CTNNA3: variants seen among roughly 807,000 people sequenced by gnomAD.
CTNNA3 encodes catenin alpha-3.
A neutral mutation model predicts 95.7 loss-of-function variants in CTNNA3; 76 were observed. The ratio of observed to expected loss-of-function variants is 0.79; its 90% CI spans 0.66 to 0.96. The LOEUF (loss-of-function observed/expected upper bound fraction) is 0.96. Among genes scored for constraint, CTNNA3 ranks in the 40% least tolerant of loss-of-function variants. CTNNA3 has a pLI of 0.00. For missense variants in CTNNA3, 1,191 were observed against 1,089.8 expected (o/e 1.09, Z -1.31); for synonymous variants, 431 against 374.4 (o/e 1.15, Z -1.74).
At chr10:67,011,685 G>A (rs1008022353) in intron 7 of CTNNA3, among the ~76,000 whole-genome samples, 2 of 152,038 alleles carry the variant, frequency 1.3e-5, no homozygotes, top group Non-Finnish European at 2.9e-5. Flanking sequence ...CAAATATATA[G>A]AGTGCTTACA....
intron 11 of CTNNA3, among the ~76,000 whole-genome samples, chr10:66,520,273 A>G (rs1388834891): frequency 3.1e-5 from 3 of 97,970 alleles, no homozygotes; most frequent in Admixed American, 1.4e-4. Context: ...TTTTTTTGAG[A>G]TAGAGTCTAG....
chr10:66,617,835 C>A (rs1056743853), intron 10 of CTNNA3, among the ~76,000 whole-genome samples: 1 of 151,714 alleles, frequency 6.6e-6, no homozygotes, highest in Non-Finnish European at 1.5e-5. Context: ...CCAAAATCTC[C>A]TTAAGCTGAT....
chr10:66,072,836 C>A (rs1242382392), intron 14 of CTNNA3, among the ~76,000 whole-genome samples: 4 of 152,138 alleles, frequency 2.6e-5, no homozygotes, highest in Non-Finnish European at 5.9e-5. Context: ...CACTCATCTA[C>A]TTTCTTTTCT....
intron 5 of CTNNA3, among the ~76,000 whole-genome samples, chr10:67,321,087 T>C (rs1328494794): frequency 1.3e-5 from 2 of 152,204 alleles, no homozygotes; most frequent in Admixed American, 6.5e-5. Context: ...AAAAAGTTCT[T>C]TGTGGCCCAA....
intron 13 of CTNNA3, among the ~76,000 whole-genome samples, chr10:66,229,021 G>C (rs972903644): frequency 6.6e-6 from 1 of 152,082 alleles, no homozygotes; most frequent in African/African-American, 2.4e-5. Context: ...GTCTGCATGT[G>C]TATTTCCAGG....
At chr10:66,018,380 C>T (rs1013620972) in intron 15 of CTNNA3, among the ~76,000 whole-genome samples, 51 of 151,918 alleles carry the variant, frequency 3.4e-4, no homozygotes, top group African/African-American at 1.1e-3. Context: ...ATACAAACTT[C>T]GTGACATACA....
intron 7 of CTNNA3, among the ~76,000 whole-genome samples, chr10:67,026,718 T>C (rs758070314): frequency 6.6e-6 from 1 of 152,158 alleles, no homozygotes; most frequent in Non-Finnish European, 1.5e-5. Context: ...AAAAGTATAT[T>C]AACGTTCATT....
At chr10:65,981,246 A>G (rs1314308633) in intron 16 of CTNNA3, among the ~76,000 whole-genome samples, 3 of 151,816 alleles carry the variant, frequency 2.0e-5, no homozygotes, top group African/African-American at 7.2e-5. Flanking sequence ...TTTTTTACAA[A>G]ATCTGCAAAA....
At chr10:67,457,132 C>T (rs796567186) in intron 5 of CTNNA3, among the ~76,000 whole-genome samples, 4 of 152,188 alleles carry the variant, frequency 2.6e-5, no homozygotes, top group African/African-American at 7.2e-5. Context: ...AGGATTTTTC[C>T]ACTAACTGTC....
At chr10:67,701,958 A>G (rs1841043581) in intron 1 of CTNNA3, among the ~76,000 whole-genome samples, 1 of 152,216 alleles carries the variant, frequency 6.6e-6, no homozygotes, top group Non-Finnish European at 1.5e-5. Flanking sequence ...AAAACAAAAA[A>G]AGGCAGGGGT....
intron 9 of CTNNA3, among the ~76,000 whole-genome samples, chr10:66,638,805 C>T (rs1339063479): frequency 2.0e-5 from 3 of 151,960 alleles, no homozygotes; most frequent in Admixed American, 2.0e-4. Flanking sequence ...CCCGCCCATT[C>T]GTTATTCTTG....
chr10:66,011,843 G>C (rs2079010807), intron 15 of CTNNA3, among the ~76,000 whole-genome samples: 1 of 152,096 alleles, frequency 6.6e-6, no homozygotes, highest in Non-Finnish European at 1.5e-5. Context: ...TTCCATGAAG[G>C]GTTTTAATTC....
chr10:66,623,556 C>G (rs1164874317), intron 9 of CTNNA3, among the ~76,000 whole-genome samples: 2 of 151,956 alleles, frequency 1.3e-5, no homozygotes, highest in Non-Finnish European at 2.9e-5. Context: ...TTTTATACAA[C>G]CCTCTAATGA....
Position 66,262,863 on chromosome 10 carries a change from G to T in CTNNA3, c.1884+17607C>A, listed in dbSNP as rs147516523. 5.2e-3 allele frequency among the ~76,000 whole-genome samples: 793 copies of T among 151,296 alleles called. 5 individuals are homozygous for T. The highest frequency in any genetic ancestry group is 0.018 in the African/African-American group (744 of 41,262). Reference sequence around the variant, plus strand: ...GTATATAAGGTTTTTTTTCAATGTGGCTTTGTAATCTACCACATACTGGAC... The same window carrying T: ...GTATATAAGGTTTTTTTTCAATGTGTCTTTGTAATCTACCACATACTGGAC... On this transcript the variant is annotated intron_variant, in intron 13 of 17. Coordinates refer to ENST00000433211, the MANE Select transcript of CTNNA3 (RefSeq NM_013266.4).
chr10:66,560,173 A>C (rs1226589690), intron 10 of CTNNA3, among the ~76,000 whole-genome samples: 2 of 152,108 alleles, frequency 1.3e-5, no homozygotes, highest in Non-Finnish European at 2.9e-5. Context: ...TGGTCATAAT[A>C]AAAACTCCTT....
At chr10:66,440,768 C>T (rs759934546) in intron 11 of CTNNA3, among the ~76,000 whole-genome samples, 4 of 131,176 alleles carry the variant, frequency 3.0e-5, no homozygotes, top group Non-Finnish European at 6.4e-5. Context: ...ACTCAACTTT[C>T]CTGTGTACAG....
chr10:66,588,600 T>C (rs943148760), intron 10 of CTNNA3, among the ~76,000 whole-genome samples: 1 of 152,170 alleles, frequency 6.6e-6, no homozygotes, highest in Non-Finnish European at 1.5e-5. Flanking sequence ...GGTTTTCCTT[T>C]ATAGGCTAGG....
intron 10 of CTNNA3, among the ~76,000 whole-genome samples, chr10:66,556,513 A>T (rs951474134): frequency 6.6e-6 from 1 of 151,904 alleles, no homozygotes; most frequent in African/African-American, 2.4e-5. Context: ...TACATATATC[A>T]TATATATATA....
intron 7 of CTNNA3, among the ~76,000 whole-genome samples, chr10:67,115,183 T>C (rs966384797): frequency 6.6e-6 from 1 of 152,042 alleles, no homozygotes; most frequent in African/African-American, 2.4e-5. Flanking sequence ...AAAAGCCTCA[T>C]GGAAGCAATT....
Sources: allele counts gnomAD v4.1 joint callset (sites outside exome capture counted in the v4.1 genomes callset), GRCh38; gene constraint gnomAD v4.1.1; transcripts MANE v1.5; gene names NCBI Gene and HGNC (gene_info 2026-07-23, HGNC 2026-07-21).